Variants in PDE4D observed in about 807,000 individuals in gnomAD.
The protein encoded by PDE4D is 3',5'-cyclic-AMP phosphodiesterase 4D.
A neutral mutation model predicts 87.4 loss-of-function variants in PDE4D; 24 were observed. The observed-to-expected ratio is 0.27, with a 90% CI of 0.20 to 0.39. PDE4D has a LOEUF of 0.39. Among genes scored for constraint, PDE4D ranks in the 10% least tolerant of loss-of-function variants. The probability of loss-of-function intolerance (pLI) is 1.00; values close to 1 mark genes in which losing one functional copy is unlikely to be tolerated. For missense variants in PDE4D, 714 were observed against 1,041.0 expected (o/e 0.69, Z 4.32); for synonymous variants, 384 against 383.2 (o/e 1.00, Z -0.02).
intron 1 of PDE4D, among the ~76,000 whole-genome samples, chr5:59,291,129 T>C (rs1012304998): frequency 6.6e-6 from 1 of 152,012 alleles, no homozygotes; most frequent in African/African-American, 2.4e-5. Context: ...TTATCTATAC[T>C]CCCATGTTTA....
At chr5:59,198,050 A>C (rs1581317646) in intron 2 of PDE4D, among the ~76,000 whole-genome samples, 1 of 152,202 alleles carries the variant, frequency 6.6e-6, no homozygotes, top group Non-Finnish European at 1.5e-5. Context: ...ATTCAAAGTC[A>C]CACAGTGAAT....
intron 1 of PDE4D, among the ~76,000 whole-genome samples, chr5:60,418,862 C>T (rs1742849235): frequency 1.3e-5 from 2 of 151,988 alleles, no homozygotes; most frequent in African/African-American, 4.8e-5. Flanking sequence ...ATCCCCCTCC[C>T]CCTTAGCCCC....
At chr5:59,145,144 G>C (rs1778445643) in intron 5 of PDE4D, among the ~76,000 whole-genome samples, 1 of 152,050 alleles carries the variant, frequency 6.6e-6, no homozygotes. Flanking sequence ...TTTAGCTTTT[G>C]GAGCATTCTC....
At chr5:59,691,347 T>G (rs1750883796) in intron 1 of PDE4D, among the ~76,000 whole-genome samples, 1 of 151,988 alleles carries the variant, frequency 6.6e-6, no homozygotes, top group South Asian at 2.1e-4. Context: ...TAGACTGGAT[T>G]AAGAAAATGT....
At chr5:59,329,470 A>C (rs1171663961) in intron 1 of PDE4D, among the ~76,000 whole-genome samples, 1 of 152,218 alleles carries the variant, frequency 6.6e-6, no homozygotes, top group Non-Finnish European at 1.5e-5. Flanking sequence ...TGTCTGATCA[A>C]GTTTACTTCT....
At chr5:59,688,121 G>C (rs372973648) in intron 1 of PDE4D, among the ~76,000 whole-genome samples, 5 of 152,126 alleles carry the variant, frequency 3.3e-5, no homozygotes, top group Non-Finnish European at 7.3e-5. Context: ...ATAATAAAGA[G>C]AGACTGTAAC....
intron 5 of PDE4D, among the ~76,000 whole-genome samples, chr5:59,072,792 T>C (rs972669622): frequency 1.3e-5 from 2 of 152,242 alleles, no homozygotes; most frequent in East Asian, 3.8e-4. Flanking sequence ...AATTTGTCTT[T>C]AATGATTTAA....
chr5:59,491,638 A>G (rs1348124087), intron 1 of PDE4D, among the ~76,000 whole-genome samples: 1 of 152,214 alleles, frequency 6.6e-6, no homozygotes, highest in Non-Finnish European at 1.5e-5. Context: ...AAGATGATAT[A>G]AAAATTCACC....
intron 2 of PDE4D, among the ~76,000 whole-genome samples, chr5:60,172,007 T>C (rs772864241): frequency 1.3e-5 from 2 of 150,660 alleles, no homozygotes; most frequent in Non-Finnish European, 3.0e-5. Flanking sequence ...TGTACTTTAG[T>C]TTGTTTATCC....
At chr5:59,317,398 A>G (rs906054776) in intron 1 of PDE4D, among the ~76,000 whole-genome samples, 1 of 152,104 alleles carries the variant, frequency 6.6e-6, no homozygotes, top group African/African-American at 2.4e-5. Context: ...CAACTAACAC[A>G]TTGCTGCACT....
chr5:59,573,533 A>G (rs1011991290), intron 1 of PDE4D, among the ~76,000 whole-genome samples: 1 of 151,956 alleles, frequency 6.6e-6, no homozygotes, highest in African/African-American at 2.4e-5. Context: ...AATTTTCCTC[A>G]TCCTGTCCTC....
chr5:60,377,298 G>A (rs929956842), intron 1 of PDE4D, among the ~76,000 whole-genome samples: 2 of 152,140 alleles, frequency 1.3e-5, no homozygotes, highest in Admixed American at 6.6e-5. Context: ...TCAGCATATC[G>A]TGGACACTCA....
intron 6 of PDE4D, among the ~76,000 whole-genome samples, chr5:59,031,379 ATATATATATATATT>A (rs1271686200): frequency 1.1e-5 from 1 of 90,006 alleles, no homozygotes; most frequent in African/African-American, 4.4e-5. Flanking sequence ...ATATATATAT[ATATATATATATATT>A]ATATATATAT....
chr5:59,427,761 C>T (rs1384578978), intron 1 of PDE4D, among the ~76,000 whole-genome samples: 4 of 150,896 alleles, frequency 2.7e-5, no homozygotes, highest in African/African-American at 9.8e-5. Flanking sequence ...TCTAGGCTGC[C>T]CTGATCTATG....
intron 1 of PDE4D, among the ~76,000 whole-genome samples, chr5:59,283,024 A>G (rs1196354325): frequency 6.6e-6 from 1 of 152,136 alleles, no homozygotes; most frequent in South Asian, 2.1e-4. Flanking sequence ...TCCACCAATC[A>G]CTAGTTGTTT....
intron 1 of PDE4D, among the ~76,000 whole-genome samples, chr5:60,209,194 T>TC (rs1188909220): frequency 1.4e-5 from 2 of 147,968 alleles, no homozygotes; most frequent in Admixed American, 6.7e-5. Flanking sequence ...TTTCTTTTTT[T>TC]TTTTTTTTTT....
At chr5:59,007,222 ATATTTTATCCTAT>A (rs1159693427) in intron 6 of PDE4D, among the ~76,000 whole-genome samples, 3 of 152,182 alleles carry the variant, frequency 2.0e-5, no homozygotes, top group Non-Finnish European at 4.4e-5. Context: ...TTATTGGAAA[ATATTTTATCCTAT>A]AATCAATCTA....
chr5:59,538,208 C>T (rs541014707), intron 1 of PDE4D, among the ~76,000 whole-genome samples: 1 of 152,264 alleles, frequency 6.6e-6, no homozygotes, highest in Non-Finnish European at 1.5e-5. Flanking sequence ...AGTAGTGGCC[C>T]AATCACTATG....
chr5:59,577,929 G>T (rs1161312045), intron 1 of PDE4D, among the ~76,000 whole-genome samples: 1 of 151,956 alleles, frequency 6.6e-6, no homozygotes, highest in Non-Finnish European at 1.5e-5. Flanking sequence ...ATTTAAACTG[G>T]GTTACATCAG....
Sources: allele counts gnomAD v4.1 joint callset (sites outside exome capture counted in the v4.1 genomes callset), GRCh38; gene constraint gnomAD v4.1.1; transcripts MANE v1.5; gene names NCBI Gene and HGNC (gene_info 2026-07-23, HGNC 2026-07-21).